The following MSRA variants were observed in gnomAD, a reference collection of about 807,000 sequenced individuals.
The protein encoded by MSRA is methionine sulfoxide reductase A, also known as mitochondrial peptide methionine sulfoxide reductase.
A neutral mutation model predicts 31.3 loss-of-function variants in MSRA; 54 were observed. The observed-to-expected ratio is 1.73, with a 90% CI of 1.39 to 2.17. The LOEUF (loss-of-function observed/expected upper bound fraction) is 2.17. Ranked by LOEUF, MSRA falls within the 30% of genes most tolerant of loss-of-function variation. The pLI is 0.00. For missense variants in MSRA, 507 were observed against 300.9 expected (o/e 1.69, Z -5.07); for synonymous variants, 169 against 116.5 (o/e 1.45, Z -2.90).
At chr8:10,271,797 C>A (rs1239034294) in intron 3 of MSRA, among the ~76,000 whole-genome samples, 1 of 151,024 alleles carries the variant, frequency 6.6e-6, no homozygotes, top group Non-Finnish European at 1.5e-5. Flanking sequence ...TGGCTCACCG[C>A]AACCTCGGCC....
intron 3 of MSRA, among the ~76,000 whole-genome samples, chr8:10,288,373 C>T (rs529790016): frequency 3.3e-5 from 5 of 152,248 alleles, no homozygotes; most frequent in South Asian, 2.1e-4. Flanking sequence ...CTTGAAGTGA[C>T]ACCACCCTTA....
At chr8:10,066,714 T>C (rs918509500) in intron 1 of MSRA, among the ~76,000 whole-genome samples, 1 of 152,022 alleles carries the variant, frequency 6.6e-6, no homozygotes, top group Admixed American at 6.6e-5. Context: ...TTTGTATTTT[T>C]AGTAGAGACT....
intron 5 of MSRA, among the ~76,000 whole-genome samples, chr8:10,422,464 G>T (rs959938509): frequency 6.6e-6 from 1 of 152,228 alleles, no homozygotes; most frequent in Non-Finnish European, 1.5e-5. Context: ...GGAAGAGTCT[G>T]TGAGAAAAAC....
intron 1 of MSRA, among the ~76,000 whole-genome samples, chr8:10,063,791 T>G (rs1372625952): frequency 1.3e-5 from 2 of 152,222 alleles, no homozygotes; most frequent in Non-Finnish European, 2.9e-5. Context: ...TCTCCAGTAT[T>G]GTGAGAAAGA....
chr8:10,231,960 A>G (rs1267477081), intron 2 of MSRA, among the ~76,000 whole-genome samples: 1 of 152,174 alleles, frequency 6.6e-6, no homozygotes, highest in African/African-American at 2.4e-5. Flanking sequence ...CGTGAAGTGT[A>G]TACTTTACAG....
At chr8:10,310,407 G>C (rs1801370164) in intron 4 of MSRA, among the ~76,000 whole-genome samples, 1 of 152,086 alleles carries the variant, frequency 6.6e-6, no homozygotes, top group Non-Finnish European at 1.5e-5. Flanking sequence ...ATTATCATAC[G>C]TGTTCATAGT....
intron 2 of MSRA, among the ~76,000 whole-genome samples, chr8:10,233,313 A>C (rs1479686892): frequency 6.6e-6 from 1 of 152,238 alleles, no homozygotes; most frequent in East Asian, 1.9e-4. Flanking sequence ...CAACTGTGAA[A>C]ATGAGCCTGC....
At chr8:10,259,105 GAAAA>G (rs374191943) in intron 3 of MSRA, among the ~76,000 whole-genome samples, 1 of 135,044 alleles carries the variant, frequency 7.4e-6, no homozygotes, top group Non-Finnish European at 1.6e-5. Flanking sequence ...TCTGTCAAAG[GAAAA>G]AAAAAAAAAA....
intron 1 of MSRA, among the ~76,000 whole-genome samples, chr8:10,173,281 T>G (rs1372152720): frequency 6.6e-6 from 1 of 152,246 alleles, no homozygotes; most frequent in East Asian, 1.9e-4. Flanking sequence ...CTTTGTTCTC[T>G]GCCATGTAAA....
intron 1 of MSRA, among the ~76,000 whole-genome samples, chr8:10,119,731 G>C (rs1334488671): frequency 6.6e-6 from 1 of 152,182 alleles, no homozygotes; most frequent in Non-Finnish European, 1.5e-5. Context: ...GGTGGTGGGG[G>C]AGACGTCTTA....
intron 1 of MSRA, among the ~76,000 whole-genome samples, chr8:10,178,419 GTC>G (rs754715446): frequency 2.0e-5 from 3 of 151,754 alleles, no homozygotes; most frequent in Non-Finnish European, 4.4e-5. Context: ...GCGAGACCCT[GTC>G]TCTACTTGAA....
At chr8:10,196,938 A>G (rs1808046454) in intron 1 of MSRA, among the ~76,000 whole-genome samples, 1 of 152,188 alleles carries the variant, frequency 6.6e-6, no homozygotes, top group Non-Finnish European at 1.5e-5. Context: ...AGATATGTTT[A>G]ACATTCATCT....
intron 1 of MSRA, among the ~76,000 whole-genome samples, chr8:10,202,471 C>T (rs1039076320): frequency 1.3e-5 from 2 of 152,220 alleles, no homozygotes; most frequent in African/African-American, 4.8e-5. Flanking sequence ...ACTTCTTCCC[C>T]TGTGCCATCT....
intron 1 of MSRA, among the ~76,000 whole-genome samples, chr8:10,090,205 A>G (rs1798786397): frequency 1.3e-5 from 2 of 152,186 alleles, no homozygotes; most frequent in Admixed American, 1.3e-4. Flanking sequence ...TGTGAGTTGG[A>G]AGACAAAAAT....
At chr8:10,303,577 G>C (rs1439143655) in intron 4 of MSRA, among the ~76,000 whole-genome samples, 5 of 152,188 alleles carry the variant, frequency 3.3e-5, no homozygotes, top group African/African-American at 1.2e-4. Context: ...AGTCTCCCCA[G>C]CTGAATTCAG....
At chr8:10,156,705 G>A (rs1320484814) in intron 1 of MSRA, among the ~76,000 whole-genome samples, 1 of 151,782 alleles carries the variant, frequency 6.6e-6, no homozygotes, top group Non-Finnish European at 1.5e-5. Context: ...CCAGAGAAAT[G>A]TGAATGCTGA....
chr8:10,236,224 T>C (rs1811924570), intron 2 of MSRA, among the ~76,000 whole-genome samples: 1 of 152,202 alleles, frequency 6.6e-6, no homozygotes, highest in Non-Finnish European at 1.5e-5. Context: ...CCTAGCATTG[T>C]CATTATTCAG....
intron 2 of MSRA, among the ~76,000 whole-genome samples, chr8:10,231,847 GATCC>G (rs1811503524): frequency 6.6e-6 from 1 of 152,178 alleles, no homozygotes; most frequent in Non-Finnish European, 1.5e-5. Context: ...AGGTTGCAGT[GATCC>G]AAGATTGCAT....
intron 3 of MSRA, among the ~76,000 whole-genome samples, chr8:10,283,734 C>G (rs189916540): frequency 1.3e-3 from 190 of 146,746 alleles, no homozygotes; most frequent in African/African-American, 4.5e-3. Context: ...GAATAAGTCT[C>G]CAGTCTCATC....
Sources: gnomAD v4.1 joint callset for allele counts (sites outside exome capture counted in the v4.1 genomes callset) on GRCh38, gnomAD v4.1.1 for gene constraint, MANE v1.5 for transcripts, NCBI Gene and HGNC (gene_info 2026-07-23, HGNC 2026-07-21) for gene names.